TACR1: variants seen among roughly 807,000 people sequenced by gnomAD.
TACR1 encodes the protein substance-P receptor.
In TACR1, 25 loss-of-function variants were observed where a neutral mutation model predicts 35.8. The ratio of observed to expected loss-of-function variants is 0.70; its 90% CI spans 0.51 to 0.98. TACR1 has a LOEUF of 0.98. Ranked by LOEUF, TACR1 falls within the 50% of genes least tolerant of loss-of-function variation. TACR1 has a pLI of 0.00. For missense variants in TACR1, 478 were observed against 522.9 expected, an observed-to-expected ratio of 0.91 and a Z score of 0.84; for synonymous variants, 195 against 206.7, an observed-to-expected ratio of 0.94 and a Z score of 0.48.
At chr2:75,077,182 C>G (rs1188260414) in intron 2 of TACR1, among the ~76,000 whole-genome samples, 1 of 152,152 alleles carries the variant, frequency 6.6e-6, no homozygotes, top group Non-Finnish European at 1.5e-5. Flanking sequence ...GTTGGTCAGG[C>G]TGGTCTCGAA....
At chr2:75,151,558 C>T (rs568872395) in intron 1 of TACR1, among the ~76,000 whole-genome samples, 14 of 152,298 alleles carry the variant, frequency 9.2e-5, no homozygotes, top group South Asian at 4.1e-4. Context: ...TTTAGGAAGA[C>T]GTATGGAAGT....
At chr2:75,067,037 A>G (rs1397652920) in intron 2 of TACR1, among the ~76,000 whole-genome samples, 1 of 152,248 alleles carries the variant, frequency 6.6e-6, no homozygotes, top group South Asian at 2.1e-4. Flanking sequence ...ATTGAGACAG[A>G]AAGTCTATGC....
At chr2:75,079,066 CA>C (rs1473552691) in intron 2 of TACR1, among the ~76,000 whole-genome samples, 1 of 152,174 alleles carries the variant, frequency 6.6e-6, no homozygotes, top group Non-Finnish European at 1.5e-5. Flanking sequence ...CCTCACCAGG[CA>C]GCCTATACCA....
At chr2:75,192,312 T>C (rs1190935776) in intron 1 of TACR1, among the ~76,000 whole-genome samples, 2 of 152,188 alleles carry the variant, frequency 1.3e-5, no homozygotes, top group Admixed American at 6.5e-5. Flanking sequence ...CTTATCCTTA[T>C]ACTTACTGGA....
chr2:75,135,821 G>A (rs1253196254), intron 1 of TACR1, among the ~76,000 whole-genome samples: 1 of 152,142 alleles, frequency 6.6e-6, no homozygotes, highest in Non-Finnish European at 1.5e-5. Flanking sequence ...TTGCTGGAAT[G>A]AATTGCTTCC....
At chr2:75,142,935 C>G (rs918647365) in intron 1 of TACR1, among the ~76,000 whole-genome samples, 61 of 152,156 alleles carry the variant, frequency 4.0e-4, no homozygotes, top group Non-Finnish European at 8.2e-4. Context: ...TAAGGTCTCA[C>G]AGACACAGTA....
At chr2:75,177,184 A>G (rs375778482) in intron 1 of TACR1, among the ~76,000 whole-genome samples, 11 of 150,296 alleles carry the variant, frequency 7.3e-5, no homozygotes, top group African/African-American at 2.5e-4. Flanking sequence ...GCACTTGACT[A>G]CACCATCTGC....
At chr2:75,106,062 A>G (rs188383504) in intron 2 of TACR1, among the ~76,000 whole-genome samples, 44 of 152,158 alleles carry the variant, frequency 2.9e-4, no homozygotes, top group African/African-American at 9.4e-4. Flanking sequence ...TAAATGTACT[A>G]TACTATCAGA....
At chr2:75,114,970 A>G (rs1439850434) in intron 2 of TACR1, among the ~76,000 whole-genome samples, 1 of 152,172 alleles carries the variant, frequency 6.6e-6, no homozygotes, top group Non-Finnish European at 1.5e-5. Flanking sequence ...TCCCCCAGGG[A>G]TCTAGGAATA....
At chr2:75,132,699 G>A (rs555367591) in intron 1 of TACR1, among the ~76,000 whole-genome samples, 1 of 152,238 alleles carries the variant, frequency 6.6e-6, no homozygotes, top group East Asian at 1.9e-4. Flanking sequence ...AGGATTTGTT[G>A]ATGCCTTGTT....
chr2:75,179,334 G>A (rs1675504849), intron 1 of TACR1, among the ~76,000 whole-genome samples: 1 of 152,084 alleles, frequency 6.6e-6, no homozygotes, highest in South Asian at 2.1e-4. Context: ...ACCAGACCCT[G>A]GTTTTAGCTA....
intron 1 of TACR1, among the ~76,000 whole-genome samples, chr2:75,151,551 A>T (rs1674670739): frequency 6.6e-6 from 1 of 152,202 alleles, no homozygotes. Flanking sequence ...GCCTAGATTT[A>T]GGAAGACGTA....
At chr2:75,103,289 G>T (rs886601668) in intron 2 of TACR1, among the ~76,000 whole-genome samples, 1 of 152,086 alleles carries the variant, frequency 6.6e-6, no homozygotes, top group African/African-American at 2.4e-5. Context: ...GGAGCATCCT[G>T]TAGTAGCACA....
intron 2 of TACR1, among the ~76,000 whole-genome samples, chr2:75,061,167 G>A (rs1297552476): frequency 2.0e-5 from 3 of 151,818 alleles, no homozygotes; most frequent in Admixed American, 6.6e-5. Flanking sequence ...CACATCTTGC[G>A]GTTGGGGGCA....
intron 2 of TACR1, among the ~76,000 whole-genome samples, chr2:75,070,182 A>G (rs28394881): frequency 0.24 from 36,846 of 151,564 alleles, 5,782 homozygotes; most frequent in African/African-American, 0.41. Context: ...TGGACATTAG[A>G]AGCCCATTCA....
At chr2:75,072,257 G>A (rs112395534) in intron 2 of TACR1, among the ~76,000 whole-genome samples, 29 of 152,124 alleles carry the variant, frequency 1.9e-4, no homozygotes, top group Non-Finnish European at 3.2e-4. Flanking sequence ...GATGTGAGTC[G>A]TCTGCCAGGT....
intron 2 of TACR1, among the ~76,000 whole-genome samples, chr2:75,060,694 G>T (rs1167560580): frequency 6.6e-6 from 1 of 152,208 alleles, no homozygotes. Flanking sequence ...AATGAACATG[G>T]TCAGATACTT....
intron 2 of TACR1, among the ~76,000 whole-genome samples, chr2:75,083,455 C>G (rs1673131331): frequency 6.6e-6 from 1 of 152,036 alleles, no homozygotes; most frequent in Non-Finnish European, 1.5e-5. Flanking sequence ...TTTTCCAATT[C>G]TGTGAAGAAA....
chr2:75,124,658 A>G (rs537476200), intron 1 of TACR1, among the ~76,000 whole-genome samples: 3 of 152,312 alleles, frequency 2.0e-5, no homozygotes, highest in East Asian at 1.9e-4. Context: ...ATCAAACTCT[A>G]TCTTTGTAGT....
Sources: allele counts gnomAD v4.1 joint callset (sites outside exome capture counted in the v4.1 genomes callset), GRCh38; gene constraint gnomAD v4.1.1; transcripts MANE v1.5; gene names NCBI Gene and HGNC (gene_info 2026-07-23, HGNC 2026-07-21).